Variants in MMEL1 observed in about 807,000 individuals in gnomAD.
MMEL1 encodes the protein membrane metallo-endopeptidase-like 1.
In MMEL1, 98 loss-of-function variants were observed where a neutral mutation model predicts 117.1. The ratio of observed to expected loss-of-function variants is 0.84; its 90% CI spans 0.71 to 0.99. MMEL1 has a LOEUF of 0.99. Ranked by LOEUF, MMEL1 falls within the 50% of genes least tolerant of loss-of-function variation. The pLI is 0.00. For missense variants in MMEL1, 1,014 were observed against 1,049.1 expected (o/e 0.97, Z 0.46); for synonymous variants, 390 against 415.1 (o/e 0.94, Z 0.74).
rs1004011872 is a variant in MMEL1 at position 2,604,339 on chromosome 1, A to T, written c.817-58T>A. 2.3e-5 allele frequency: 37 copies of T among 1,595,020 alleles called. No individual in the cohort carries two copies. In the East Asian group the frequency reaches 8.3e-4, roughly 36 times the overall value. On this transcript the variant is annotated intron_variant, in intron 9 of 23. Transcript: ENST00000378412. The stretch of plus-strand genomic sequence containing the variant: ...GCCTCAGCCACCATGGCCCCCAGGG[A>T]GTTTTCTGTGGGGGTGGGGTGGGCG...
chr1:2,599,929 G>A (rs1402087467), intron 11 of MMEL1, among the ~76,000 whole-genome samples: 1 of 151,850 alleles, frequency 6.6e-6, no homozygotes, highest in Non-Finnish European at 1.5e-5. Flanking sequence ...GTATGAAGCA[G>A]CAGAAGCAAC....
In MMEL1 at chr1:2,594,782, C is replaced by G. The variant is rs777312986; in HGVS notation, c.1688+8G>C. 6.2e-7 allele frequency: 1 copy of G among 1,609,914 alleles called. No homozygotes were observed. The highest frequency in any genetic ancestry group is 1.7e-5 in the Admixed American group (1 of 59,962). On this transcript the variant is annotated splice_region_variant and intron_variant, in intron 17 of 23. Coordinates refer to ENST00000378412, the MANE Select transcript of MMEL1 (RefSeq NM_033467.4). ...CCCCGCCCATGCCGCACCAGCGATG[C>G]CACTCACAGATTTGGGTCCACCTTT...
In MMEL1 at chr1:2,596,709, A is replaced by G. The variant is rs1319413382; in HGVS notation, c.1273-20T>C. ...CAGCGCCTGGTGGGGCCACCCGATC[A>G]TCCCACGGGCCCCCACGTCAGCCTT... On this transcript the variant is annotated intron_variant, in intron 13 of 23. Coordinates refer to ENST00000378412, the MANE Select transcript of MMEL1 (RefSeq NM_033467.4). 2 of 1,609,542 alleles carry G rather than the reference A, an allele frequency of 1.2e-6. No homozygotes were observed. Among genetic ancestry groups the G allele is most frequent in the African/African-American group, 2.7e-5 (2 of 74,898 alleles).
chr1:2,624,749 G>A (rs916713353), intron 2 of MMEL1, among the ~76,000 whole-genome samples: 5 of 152,150 alleles, frequency 3.3e-5, no homozygotes, highest in Non-Finnish European at 7.3e-5. Flanking sequence ...TACTTGTATC[G>A]TCCATTATCA....
intron 8 of MMEL1, 73 bp downstream of exon 8, chr1:2,606,175 T>C: frequency 8.1e-7 from 1 of 1,236,092 alleles, no homozygotes; most frequent in East Asian, 2.3e-5. Context: ...GGCCCATCCT[T>C]CTGCTGTGCT....
chr1:2,597,442 A>C (rs926226681), intron 13 of MMEL1, among the ~76,000 whole-genome samples: 1 of 151,878 alleles, frequency 6.6e-6, no homozygotes, highest in African/African-American at 2.4e-5. Flanking sequence ...AGGTCTTGAG[A>C]GTCCCGACTC....
At chr1:2,604,080 C>T in intron 10 of MMEL1, 67 bp downstream of exon 10, 2 of 1,572,338 alleles carry the variant, frequency 1.3e-6, no homozygotes, top group Non-Finnish European at 1.7e-6. Flanking sequence ...CTCACCTTGG[C>T]CAGCCACACC....
intron 2 of MMEL1, among the ~76,000 whole-genome samples, chr1:2,628,877 A>C (rs921928570): frequency 6.7e-6 from 1 of 149,214 alleles, no homozygotes; most frequent in African/African-American, 2.5e-5. Context: ...TCTCCGCAGG[A>C]TGGCAGCGGG....
chr1:2,594,274 A>T, intron 18 of MMEL1, 111 bp downstream of exon 18: 3 of 1,200,272 alleles, frequency 2.5e-6, no homozygotes, highest in Non-Finnish European at 3.6e-6. Context: ...AGAATGTTCC[A>T]AGAACAGGCT....
intron 1 of MMEL1, among the ~76,000 whole-genome samples, chr1:2,631,644 C>T (rs1638592044): frequency 6.6e-6 from 1 of 152,100 alleles, no homozygotes; most frequent in Admixed American, 6.5e-5. Flanking sequence ...CAGTCCCTGG[C>T]TCTGTGAACC....
At chr1:2,619,340 A>G (rs1382894462) in intron 2 of MMEL1, among the ~76,000 whole-genome samples, 3 of 152,332 alleles carry the variant, frequency 2.0e-5, no homozygotes, top group Non-Finnish European at 2.9e-5. Flanking sequence ...AAATAACGTA[A>G]GTACGTTTGA....
intron 2 of MMEL1, among the ~76,000 whole-genome samples, chr1:2,614,879 G>A (rs1387588911): frequency 6.6e-6 from 1 of 151,282 alleles, no homozygotes; most frequent in East Asian, 1.9e-4. Flanking sequence ...ATGTTGAAAT[G>A]TCAAAAAGTA....
chr1:2,604,122 T>TGCCCCCCCCCCCCCCCC, intron 10 of MMEL1, 25 bp downstream of exon 10: 1 of 1,357,430 alleles, frequency 7.4e-7, no homozygotes, highest in Non-Finnish European at 1.0e-6. Context: ...CGCTGCCCGC[T>TGCCCCCCCCCCCCCCCC]CCCCACCCGC....
chr1:2,601,676 G>A (rs1480867307), intron 11 of MMEL1, among the ~76,000 whole-genome samples: 1 of 152,232 alleles, frequency 6.6e-6, no homozygotes, highest in African/African-American at 2.4e-5. Context: ...TGACCAAGGA[G>A]TCACATCTAA....
chr1:2,604,010 A>G (rs1233905023), intron 10 of MMEL1, 37 bp from the exon 11 acceptor site: 1 of 1,609,038 alleles, frequency 6.2e-7, no homozygotes, highest in South Asian at 1.1e-5. Context: ...GCGGGTGGCC[A>G]GGATGCCCCC....
rs1570649429 is a variant in MMEL1 at position 2,594,487 on chromosome 1, C to A, written c.1689-44G>T. 5.8e-6 allele frequency: 9 copies of A among 1,548,944 alleles called. No homozygotes were observed. In the East Asian group the frequency reaches 2.2e-4, roughly 38 times the overall value. On this transcript the variant is annotated intron_variant, in intron 17 of 23. Transcript: ENST00000378412. ...TCTCTGGGAGCCGCCTCTCCGGGGA[C>A]CCTCCCTCTGGGCTCTCTCTGCCTT...
At position 2,590,998 on chromosome 1, in the gene MMEL1, C is replaced by A. The variant is rs577504335; in HGVS notation, c.2332G>T (p.Val778Leu). 3 of 1,589,054 alleles carry A rather than the reference C, an allele frequency of 1.9e-6. No individual in the cohort carries two copies. Among genetic ancestry groups the A allele is most frequent in the Non-Finnish European group, 2.6e-6 (3 of 1,169,696 alleles). The change falls in exon 24 of 24, where the codon GTG becomes TTG. Residue 778 changes from valine to leucine, a missense_variant. By Grantham distance (32) the Val-to-Leu change is conservative. Transcript: ENST00000378412. ...TPMHPKERCR[V>L]W ...GCGCGGCAGGGCCTTGGCTACCACA[C>A]GCGGCATCGCTCCTTGGGGTGCATG...
Position 2,629,512 on chromosome 1 carries a change from G to T in MMEL1, c.-28C>A, listed in dbSNP as rs1463192929. ...GCAGGGCTCTGGACGGGAGAGCACC[G>T]CGGAGGAACCTGCAGGCCCAGGGCA... On this transcript the variant is annotated 5_prime_UTR_variant, in exon 2 of 24. Coordinates refer to ENST00000378412, the MANE Select transcript of MMEL1 (RefSeq NM_033467.4). 29 of 1,444,042 alleles carry T rather than the reference G, an allele frequency of 2.0e-5. No individual in the cohort carries two copies. The East Asian group carries it at 8.2e-4, about 41-fold the overall frequency. 89.5% of individuals were successfully genotyped at this position (1,444,042 alleles called of 1,614,324 possible). A position where few individuals can be genotyped will look rare whatever the true frequency, so the allele number is the denominator to read the frequency against.
At chr1:2,604,122 T>TCCCCCC in intron 10 of MMEL1, 25 bp downstream of exon 10, 8 of 1,357,426 alleles carry the variant, frequency 5.9e-6, no homozygotes, top group African/African-American at 1.4e-5. Flanking sequence ...CGCTGCCCGC[T>TCCCCCC]CCCCACCCGC....
Sources: allele counts gnomAD v4.1 joint callset (sites outside exome capture counted in the v4.1 genomes callset), GRCh38; gene constraint gnomAD v4.1.1; transcripts MANE v1.5; gene names NCBI Gene and HGNC (gene_info 2026-07-23, HGNC 2026-07-21).